SYN3: variants seen among roughly 807,000 people sequenced by gnomAD.
SYN3 encodes the protein synapsin III.
Under a neutral mutation model 65.8 loss-of-function variants are expected in SYN3, and 35 were observed. The ratio of observed to expected loss-of-function variants is 0.53; its 90% CI spans 0.41 to 0.70. SYN3 has a LOEUF of 0.70. Among genes scored for constraint, SYN3 ranks in the 30% least tolerant of loss-of-function variants. SYN3 has a pLI of 0.00. For synonymous variants in SYN3, 270 were observed against 292.9 expected (o/e 0.92, Z 0.80); for missense variants, 680 against 749.0 (o/e 0.91, Z 1.08).
intron 6 of SYN3, among the ~76,000 whole-genome samples, chr22:32,855,404 G>A (rs546579617): frequency 2.0e-5 from 3 of 152,316 alleles, no homozygotes; most frequent in Non-Finnish European, 2.9e-5. Context: ...GGGGACCTTG[G>A]TCATAGACTT....
At chr22:33,005,684 GCTCTGGAGCCAGA>G in intron 2 of SYN3, among the ~76,000 whole-genome samples, 1 of 152,314 alleles carries the variant, frequency 6.6e-6, no homozygotes, top group Non-Finnish European at 1.5e-5. Context: ...CAGAAGACAG[GCTCTGGAGCCAGA>G]CTGCCAGTAC....
Position 32,511,055 on chromosome 22 carries a change from T to C in SYN3, c.*2637A>G, listed in dbSNP as rs1157888661. Among the ~76,000 whole-genome samples the C allele has an allele frequency of 6.6e-6, 1 of 151,700 alleles. No individual in the cohort carries two copies. Among genetic ancestry groups the C allele is most frequent in the Non-Finnish European group, 1.5e-5 (1 of 67,984 alleles). On this transcript the variant is annotated 3_prime_UTR_variant, in exon 14 of 14. Coordinates refer to ENST00000358763, the MANE Select transcript of SYN3 (RefSeq NM_003490.4). ...GAATCACTGGCTAATCATCAAACCT[T>C]ATGTTAATCAATATTTATACTCTCT...
chr22:32,854,994 A>G (rs952306407), intron 6 of SYN3, among the ~76,000 whole-genome samples: 1 of 152,214 alleles, frequency 6.6e-6, no homozygotes, highest in African/African-American at 2.4e-5. Context: ...AATGGGAGGC[A>G]TTTAGAAGAG....
chr22:32,555,864 TA>T (rs1242944028), intron 7 of SYN3, among the ~76,000 whole-genome samples: 3 of 152,192 alleles, frequency 2.0e-5, no homozygotes, highest in Non-Finnish European at 4.4e-5. Context: ...GGGGATAAAC[TA>T]AATCTCTGTT....
chr22:32,853,340 G>A (rs1480585374), intron 6 of SYN3, among the ~76,000 whole-genome samples: 1 of 152,212 alleles, frequency 6.6e-6, no homozygotes, highest in Non-Finnish European at 1.5e-5. Flanking sequence ...ATAAGAATTT[G>A]TGGGTTTAAA....
At chr22:32,672,587 C>T (rs2060386183) in intron 6 of SYN3, among the ~76,000 whole-genome samples, 1 of 152,224 alleles carries the variant, frequency 6.6e-6, no homozygotes, top group Admixed American at 6.5e-5. Flanking sequence ...TCTCTCTGAT[C>T]TCTCCACAGG....
chr22:33,025,379 A>G (rs1033264442), intron 1 of SYN3, among the ~76,000 whole-genome samples: 10 of 145,848 alleles, frequency 6.9e-5, no homozygotes, highest in African/African-American at 2.6e-4. Context: ...GCTTGAACCC[A>G]GGAGGTGGAG....
intron 6 of SYN3, among the ~76,000 whole-genome samples, chr22:32,743,001 C>A (rs762279572): frequency 3.3e-5 from 5 of 152,142 alleles, no homozygotes; most frequent in Non-Finnish European, 5.9e-5. Context: ...AAGTAACTTA[C>A]CCAAAGTAAC....
At chr22:32,868,247 A>G (rs2048741561) in intron 5 of SYN3, among the ~76,000 whole-genome samples, 3 of 151,974 alleles carry the variant, frequency 2.0e-5, no homozygotes, top group Non-Finnish European at 4.4e-5. Context: ...ATATTATAAC[A>G]TAACACCATA....
intron 6 of SYN3, among the ~76,000 whole-genome samples, chr22:32,844,841 G>A (rs958496091): frequency 3.3e-5 from 5 of 151,918 alleles, no homozygotes; most frequent in African/African-American, 1.2e-4. Flanking sequence ...CTCCTGAGTA[G>A]CTGAGACTAC....
chr22:32,793,513 T>C (rs1050220842), intron 6 of SYN3, among the ~76,000 whole-genome samples: 3 of 152,234 alleles, frequency 2.0e-5, no homozygotes, highest in Admixed American at 6.5e-5. Context: ...TATTTTCTTG[T>C]GTTTTTCTCC....
intron 1 of SYN3, among the ~76,000 whole-genome samples, chr22:33,040,112 C>A (rs942324340): frequency 6.6e-6 from 1 of 151,740 alleles, no homozygotes. Flanking sequence ...TCACTGCCCG[C>A]CACCACACCC....
intron 6 of SYN3, among the ~76,000 whole-genome samples, chr22:32,841,163 G>C (rs915963647): frequency 6.6e-6 from 1 of 152,234 alleles, no homozygotes; most frequent in Non-Finnish European, 1.5e-5. Flanking sequence ...TGAGGTGCCT[G>C]TTATGTGCCA....
intron 6 of SYN3, among the ~76,000 whole-genome samples, chr22:32,845,987 G>A (rs1364310076): frequency 1.3e-5 from 2 of 152,228 alleles, no homozygotes; most frequent in East Asian, 3.9e-4. Context: ...CCAAATAGGT[G>A]GATCTGGGGT....
chr22:32,581,270 C>A (rs1462387493), intron 7 of SYN3, among the ~76,000 whole-genome samples: 1 of 152,114 alleles, frequency 6.6e-6, no homozygotes, highest in Non-Finnish European at 1.5e-5. Context: ...CCACCACGCC[C>A]AGCTAATTTT....
chr22:32,949,847 T>A (rs1451078631), intron 3 of SYN3, among the ~76,000 whole-genome samples: 2 of 152,120 alleles, frequency 1.3e-5, no homozygotes, highest in African/African-American at 2.4e-5. Context: ...GACATGGACG[T>A]GGATGACTGA....
intron 6 of SYN3, among the ~76,000 whole-genome samples, chr22:32,823,343 C>T (rs747450061): frequency 2.6e-5 from 4 of 152,130 alleles, no homozygotes; most frequent in African/African-American, 4.8e-5. Flanking sequence ...CAGAGAATGC[C>T]GCAAGGGATG....
intron 2 of SYN3, among the ~76,000 whole-genome samples, chr22:32,982,848 C>T (rs556148138): frequency 2.0e-5 from 3 of 152,286 alleles, no homozygotes; most frequent in African/African-American, 7.2e-5. Context: ...TTCTCATTAA[C>T]ACTCACAACC....
At chr22:32,816,825 C>T (rs2047098199) in intron 6 of SYN3, among the ~76,000 whole-genome samples, 1 of 152,180 alleles carries the variant, frequency 6.6e-6, no homozygotes, top group African/African-American at 2.4e-5. Flanking sequence ...TGTAAGTCAT[C>T]AGGTGTGCTG....
Sources: allele counts gnomAD v4.1 joint callset (sites outside exome capture counted in the v4.1 genomes callset), GRCh38; gene constraint gnomAD v4.1.1; transcripts MANE v1.5; gene names NCBI Gene and HGNC (gene_info 2026-07-23, HGNC 2026-07-21).